Variants in C12orf42 observed in about 807,000 individuals in gnomAD.
The protein encoded by C12orf42 is uncharacterized protein C12orf42.
C12orf42 carries 25 observed loss-of-function variants against 21.6 expected under a neutral mutation model. The observed-to-expected ratio is 1.16, with a 90% confidence interval of 0.84 to 1.62. The LOEUF is 1.62. C12orf42 is among the 40% of genes most tolerant of loss of function. The pLI is 0.00. For synonymous variants in C12orf42, 174 were observed against 175.0 expected (o/e 0.99, Z 0.05); for missense variants, 483 against 459.3 (o/e 1.05, Z -0.47).
At chr12:103,545,707 G>T in the C12orf42 span, among the ~76,000 whole-genome samples, 38 of 152,266 alleles carry the variant, frequency 2.5e-4, no homozygotes, top group South Asian at 7.9e-3. Context: ...CCCTTAAATT[G>T]CCACTCAGGT....
chr12:103,497,477 G>A (rs1323700248), upstream of C12orf42, among the ~76,000 whole-genome samples: 1 of 152,184 alleles, frequency 6.6e-6, no homozygotes, highest in Non-Finnish European at 1.5e-5. Flanking sequence ...GCCCAAGACT[G>A]TACTGCTAGT....
At chr12:103,174,221 T>C in the C12orf42 span, among the ~76,000 whole-genome samples, 1 of 151,798 alleles carries the variant, frequency 6.6e-6, no homozygotes, top group Admixed American at 6.6e-5. Flanking sequence ...ATTCAGAAAT[T>C]AAATGCTCTG....
At chr12:103,204,076 T>C in the C12orf42 span, among the ~76,000 whole-genome samples, 69 of 152,226 alleles carry the variant, frequency 4.5e-4, 1 homozygote, top group Non-Finnish European at 3.4e-4. Context: ...ACAGCTTCAA[T>C]CTCCACCATC....
At chr12:103,300,801 G>A (rs1230747743), downstream of C12orf42, among the ~76,000 whole-genome samples, 1 of 152,092 alleles carries the variant, frequency 6.6e-6, no homozygotes, top group Non-Finnish European at 1.5e-5. Context: ...CATGAACTCT[G>A]GTAAGCAGAT....
At chr12:103,117,341 C>T in the C12orf42 span, among the ~76,000 whole-genome samples, 1 of 152,126 alleles carries the variant, frequency 6.6e-6, no homozygotes, top group Non-Finnish European at 1.5e-5. Flanking sequence ...TTAATAGACC[C>T]TATTATATTC....
chr12:103,516,662 C>G, the C12orf42 span, among the ~76,000 whole-genome samples: 1 of 152,174 alleles, frequency 6.6e-6, no homozygotes, highest in African/African-American at 2.4e-5. Context: ...ACAGAGGAAA[C>G]AGCCCCAATG....
the C12orf42 span, among the ~76,000 whole-genome samples, chr12:103,177,370 A>G: frequency 6.6e-6 from 1 of 152,180 alleles, no homozygotes; most frequent in African/African-American, 2.4e-5. Flanking sequence ...ACCAAAAGTT[A>G]CCCCTAAGTA....
the C12orf42 span, among the ~76,000 whole-genome samples, chr12:103,160,889 A>G: frequency 6.6e-6 from 1 of 152,192 alleles, no homozygotes; most frequent in African/African-American, 2.4e-5. Context: ...TGCCAGCTTT[A>G]CCACTCACTA....
At chr12:103,242,369 A>T (rs555142875) in intron 10 of C12orf42, among the ~76,000 whole-genome samples, 1 of 152,294 alleles carries the variant, frequency 6.6e-6, no homozygotes, top group East Asian at 1.9e-4. Context: ...TACAATGGAA[A>T]CTACTGGAAT....
the C12orf42 span, among the ~76,000 whole-genome samples, chr12:103,089,207 T>C: frequency 2.0e-5 from 3 of 149,344 alleles, no homozygotes; most frequent in African/African-American, 7.4e-5. Flanking sequence ...ACTGCAGCCA[T>C]GGTTATCATC....
intron 4 of C12orf42, among the ~76,000 whole-genome samples, chr12:103,337,810 C>T (rs2041835636): frequency 6.6e-6 from 1 of 152,178 alleles, no homozygotes; most frequent in South Asian, 2.1e-4. Flanking sequence ...GAAGAGCAAG[C>T]CATCCAGTAT....
the C12orf42 span, among the ~76,000 whole-genome samples, chr12:103,525,009 TTTTG>T: frequency 1.3e-5 from 2 of 151,752 alleles, no homozygotes; most frequent in African/African-American, 2.4e-5. Context: ...TTTGTTTGTT[TTTTG>T]TTTGTTTTGT....
intron 4 of C12orf42, among the ~76,000 whole-genome samples, chr12:103,317,255 GAGA>G (rs1040719709): frequency 6.6e-5 from 10 of 152,140 alleles, no homozygotes; most frequent in African/African-American, 2.2e-4. Context: ...CTTCTTCTGA[GAGA>G]AGGATATTCT....
intron 5 of C12orf42, among the ~76,000 whole-genome samples, chr12:103,271,486 A>G (rs769186990): frequency 1.3e-5 from 2 of 152,144 alleles, no homozygotes; most frequent in Admixed American, 6.6e-5. Context: ...GGTTCTGCCA[A>G]TCACTACTTG....
chr12:103,104,360 T>C, the C12orf42 span, among the ~76,000 whole-genome samples: 1 of 152,226 alleles, frequency 6.6e-6, no homozygotes, highest in Non-Finnish European at 1.5e-5. Context: ...ACAAACAAAT[T>C]GAATACCAAT....
chr12:103,551,727 G>A, the C12orf42 span, among the ~76,000 whole-genome samples: 1 of 152,124 alleles, frequency 6.6e-6, no homozygotes, highest in Admixed American at 6.6e-5. Flanking sequence ...TGAGAGAGGA[G>A]AATCACTTGA....
intron 1 of C12orf42, among the ~76,000 whole-genome samples, chr12:103,490,082 G>T (rs1271724126): frequency 6.6e-6 from 1 of 152,168 alleles, no homozygotes; most frequent in Non-Finnish European, 1.5e-5. Flanking sequence ...GGCCATCTTG[G>T]AACAGGAACC....
the C12orf42 span, among the ~76,000 whole-genome samples, chr12:103,137,093 G>C: frequency 6.6e-6 from 1 of 152,110 alleles, no homozygotes; most frequent in African/African-American, 2.4e-5. Context: ...GAAACAACCT[G>C]TTGAATGGAA....
At position 103,306,077 on chromosome 12, in the gene C12orf42, C is replaced by A. The variant is rs984373007; in HGVS notation, c.528G>T (p.Trp176Cys). 1.2e-6 allele frequency: 2 copies of A among 1,613,930 alleles called. No individual in the cohort carries two copies. Among genetic ancestry groups the A allele is most frequent in the South Asian group, 2.2e-5 (2 of 91,078 alleles). ...GGTGAACAGGATTTACTGAGTGTGC[C>A]CAGTTAGGCTTTTTAACCAGTTGTT... ...FLEQLVKKPN[W>C]AHSVNPVHLE... Residue 176 changes from tryptophan (W) to cysteine (C), a missense_variant, in exon 5 of 6, where the codon TGG (tryptophan) becomes TGT (cysteine). By Grantham distance (215) the Trp-to-Cys change is radical. Coordinates refer to ENST00000548883, the MANE Select transcript of C12orf42 (RefSeq NM_198521.5).
Sources: gnomAD v4.1 joint callset for allele counts (sites outside exome capture counted in the v4.1 genomes callset) on GRCh38, gnomAD v4.1.1 for gene constraint, MANE v1.5 for transcripts, NCBI Gene and HGNC (gene_info 2026-07-23, HGNC 2026-07-21) for gene names.